Variants in CRNKL1 observed in about 807,000 individuals in gnomAD.
CRNKL1 encodes the protein crooked neck-like protein 1.
CRNKL1 carries 35 observed loss-of-function variants against 103.7 expected under a neutral mutation model. The ratio of observed to expected loss-of-function variants is 0.34; its 90% confidence interval spans 0.26 to 0.45. The LOEUF (loss-of-function observed/expected upper bound fraction) is 0.45, where lower values mean the gene tolerates loss of function less well. CRNKL1 is among the 20% of genes least tolerant of loss of function. The pLI is 1.00. For synonymous variants in CRNKL1, 267 were observed against 282.6 expected (o/e 0.94, Z 0.55); for missense variants, 645 against 836.0 (o/e 0.77, Z 2.82).
intron 7 of CRNKL1, among the ~76,000 whole-genome samples, chr20:20,043,157 T>C (rs2043542091): frequency 6.6e-6 from 1 of 152,110 alleles, no homozygotes; most frequent in Non-Finnish European, 1.5e-5. Flanking sequence ...GCAAAACAGG[T>C]TTTTGGACCA....
At chr20:20,036,437 G>T in intron 13 of CRNKL1, 75 bp from the exon 14 acceptor site, 1 of 1,363,798 alleles carries the variant, frequency 7.3e-7, no homozygotes, top group Non-Finnish European at 1.0e-6. Flanking sequence ...AATTTTTACT[G>T]GAAATCCGGA....
At chr20:20,037,206 G>A in intron 13 of CRNKL1, 117 bp downstream of exon 13, 1 of 1,213,448 alleles carries the variant, frequency 8.2e-7, no homozygotes, top group Non-Finnish European at 1.2e-6. Flanking sequence ...TCCTACTCCA[G>A]GTGGTCTGCT....
upstream of CRNKL1, chr20:20,052,657 C>T: frequency 6.2e-7 from 1 of 1,613,366 alleles, no homozygotes; most frequent in Non-Finnish European, 8.5e-7. Context: ...AGGGCGCATC[C>T]CCAGGTCAGC....
Position 20,036,353 on chromosome 20 carries a change from C to A in CRNKL1, c.1906G>T (p.Gly636Cys). 1 of 1,614,088 alleles carries A rather than the reference C, an allele frequency of 6.2e-7. No individual in the cohort carries two copies. Among genetic ancestry groups the A allele is most frequent in the Non-Finnish European group, 8.5e-7 (1 of 1,179,986 alleles). Residue 636 changes from glycine (G) to cysteine (C), a missense_variant, in exon 14 of 14, where the codon GGC (glycine) becomes TGC (cysteine). Gly to Cys is a radical substitution (Grantham distance 159, BLOSUM62 -3). Around this residue, in one of 2 missense-constraint regions of CRNKL1, gnomAD observed 582 missense variants for 707.7 expected, o/e 0.82. Coordinates refer to ENST00000536226, the MANE Select transcript of CRNKL1 (RefSeq NM_001278628.2). ...KVQTDDGSDAGWEEYFDYIFP... is the reference protein window; with the variant it reads ...KVQTDDGSDACWEEYFDYIFP... ...ATGTAATCAAAGTATTCTTCCCAGC[C>A]TGCATCAGACTACAGAAATAAAAAA...
Position 20,047,686 on chromosome 20 carries a change from G to C in CRNKL1, c.622+79C>G, listed in dbSNP as rs976052754. Reference sequence around the variant, plus strand: ...CCTGACATTAATGACTGTGTGTCCTGATCATGAGACATCTCTACAGGAGCA... The same window carrying C: ...CCTGACATTAATGACTGTGTGTCCTCATCATGAGACATCTCTACAGGAGCA... On this transcript the variant is annotated intron_variant, in intron 5 of 13. Transcript: ENST00000536226. 4.2e-6 allele frequency: 6 copies of C among 1,439,712 alleles called. No individual in the cohort carries two copies. The African/African-American group carries it at 8.4e-5, about 20-fold the overall frequency. 89.2% of individuals were successfully genotyped at this position (1,439,712 alleles called of 1,614,324 possible).
At chr20:20,045,211 G>T in intron 6 of CRNKL1, 97 bp downstream of exon 6, 1 of 1,008,750 alleles carries the variant, frequency 9.9e-7, no homozygotes, top group Non-Finnish European at 1.5e-6. Flanking sequence ...TCTTTCCAGG[G>T]ATATGTCAGT....
rs145182406 is a variant in CRNKL1 at position 20,050,766 on chromosome 20, G to C, written c.52-144C>G. The C allele has an allele frequency of 1.7e-3, 1,091 of 625,808 alleles. 8 individuals are homozygous for C. The highest frequency in any genetic ancestry group is 0.016 in the African/African-American group (866 of 53,080). The allele number at this position is 625,808 out of a possible 1,614,324, so 38.8% of individuals were successfully genotyped here. A position where few individuals can be genotyped will look rare whatever the true frequency, so the allele number is the denominator to read the frequency against. ...GTATGACATGTTCCCATTCCTCCAT[G>C]AGACTGAAAAGAAAAAAAAAATACC... On this transcript the variant is annotated intron_variant, in intron 1 of 13. Transcript: ENST00000536226.
chr20:20,052,551 C>T (rs148307781), upstream of CRNKL1: 22 of 1,614,152 alleles, frequency 1.4e-5, no homozygotes, highest in South Asian at 2.1e-4. Flanking sequence ...GTCCTCCTTG[C>T]GGCAGCGCGT....
At chr20:20,056,037 T>G (rs1221243789), upstream of CRNKL1, 3 of 1,564,872 alleles carry the variant, frequency 1.9e-6, no homozygotes, top group Non-Finnish European at 2.6e-6. Flanking sequence ...TCCCAAAGAG[T>G]GTCGGAAAGG....
At chr20:20,054,013 G>GTTTTTTTTTT (rs1239349657), upstream of CRNKL1, among the ~76,000 whole-genome samples, 2 of 59,098 alleles carry the variant, frequency 3.4e-5, no homozygotes, top group South Asian at 5.8e-4. Flanking sequence ...TTTTTTGTTT[G>GTTTTTTTTTT]TTTTTTTTTT....
chr20:20,050,218 A>G (rs2043665631), intron 2 of CRNKL1, among the ~76,000 whole-genome samples: 1 of 152,210 alleles, frequency 6.6e-6, no homozygotes, highest in African/African-American at 2.4e-5. Flanking sequence ...CATCTGCTAA[A>G]CTTCCGCTCA....
chr20:20,051,453 T>C (rs1386791367), intron 1 of CRNKL1, among the ~76,000 whole-genome samples: 1 of 152,218 alleles, frequency 6.6e-6, no homozygotes, highest in Non-Finnish European at 1.5e-5. Flanking sequence ...TGATGCCCAA[T>C]AAAAGTTTAT....
intron 7 of CRNKL1, 46 bp from the exon 8 acceptor site, chr20:20,042,562 T>G: frequency 1.3e-6 from 2 of 1,545,226 alleles, no homozygotes; most frequent in Non-Finnish European, 1.7e-6. Context: ...AACCAAGAGC[T>G]GCACTTGCCA....
intron 11 of CRNKL1, 120 bp from the exon 12 acceptor site, chr20:20,038,570 A>G (rs1192951123): frequency 9.9e-6 from 6 of 607,516 alleles, no homozygotes; most frequent in African/African-American, 1.9e-5. Context: ...TTACTGAACA[A>G]CTAAAGAACA....
chr20:20,042,935 C>G (rs1277295924), intron 7 of CRNKL1, among the ~76,000 whole-genome samples: 1 of 152,194 alleles, frequency 6.6e-6, no homozygotes, highest in Non-Finnish European at 1.5e-5. Context: ...TAACCTACCA[C>G]CACATTTAAT....
chr20:20,037,246 A>G, intron 13 of CRNKL1, 77 bp downstream of exon 13: 2 of 1,522,556 alleles, frequency 1.3e-6, no homozygotes, highest in Non-Finnish European at 1.8e-6. Flanking sequence ...TATGCCACTT[A>G]AAAGTCCACA....
At chr20:20,045,223 A>G in intron 6 of CRNKL1, 85 bp downstream of exon 6, 1 of 1,168,168 alleles carries the variant, frequency 8.6e-7, no homozygotes, top group Non-Finnish European at 1.2e-6. Context: ...TATGTCAGTA[A>G]GAAAAAATGG....
At chr20:20,047,447 C>G in intron 5 of CRNKL1, among the ~76,000 whole-genome samples, 1 of 152,286 alleles carries the variant, frequency 6.6e-6, no homozygotes, top group East Asian at 1.9e-4. Flanking sequence ...GGGACTTAAG[C>G]ATCACCGATT....
intron 8 of CRNKL1, 44 bp from the exon 9 acceptor site, chr20:20,041,669 G>T (rs1290274040): frequency 7.1e-7 from 1 of 1,404,612 alleles, no homozygotes; most frequent in East Asian, 2.3e-5. Flanking sequence ...GAAGTCTGCT[G>T]CTAACACTCA....
Sources: allele counts gnomAD v4.1 joint callset (sites outside exome capture counted in the v4.1 genomes callset), GRCh38; gene constraint gnomAD v4.1.1; regional missense constraint gnomAD v4.1.1; transcripts MANE v1.5; gene names NCBI Gene and HGNC (gene_info 2026-07-23, HGNC 2026-07-21).